The following JPH1 variants were observed in gnomAD, a reference collection of about 807,000 sequenced individuals.
JPH1 encodes the protein junctophilin 1, also known as junctophilin-1.
Under a neutral mutation model 53.6 loss-of-function variants are expected in JPH1, and 12 were observed. The observed-to-expected ratio is 0.22, with a 90% CI of 0.14 to 0.36. JPH1 has a LOEUF of 0.36. Among genes scored for constraint, JPH1 ranks in the 10% least tolerant of loss-of-function variants. The pLI, the probability that JPH1 is intolerant of heterozygous loss-of-function variation, is 1.00. For synonymous variants in JPH1, 375 were observed against 363.8 expected (o/e 1.03, Z -0.35); for missense variants, 808 against 905.5 (o/e 0.89, Z 1.38).
intron 2 of JPH1, among the ~76,000 whole-genome samples, chr8:74,276,885 T>C (rs1184297247): frequency 1.3e-5 from 2 of 152,244 alleles, no homozygotes; most frequent in Non-Finnish European, 2.9e-5. Flanking sequence ...GTTCTCCTTA[T>C]TGTATGAGTT....
chr8:74,316,718 C>CT (rs1160798335), intron 1 of JPH1, among the ~76,000 whole-genome samples: 1 of 152,258 alleles, frequency 6.6e-6, no homozygotes, highest in East Asian at 1.9e-4. Flanking sequence ...TCATGATAGT[C>CT]TGTCATCTAG....
chr8:74,293,931 A>G (rs1463558951), intron 2 of JPH1, among the ~76,000 whole-genome samples: 2 of 152,218 alleles, frequency 1.3e-5, no homozygotes, highest in African/African-American at 4.8e-5. Context: ...CTCAAGAGCC[A>G]GCAGCCCCTA....
intron 3 of JPH1, among the ~76,000 whole-genome samples, chr8:74,248,433 T>C (rs1805929661): frequency 6.6e-6 from 1 of 152,338 alleles, no homozygotes; most frequent in South Asian, 2.1e-4. Context: ...TTTTAATAAG[T>C]ATGAATTGAA....
At chr8:74,267,025 A>G (rs943077117) in intron 2 of JPH1, among the ~76,000 whole-genome samples, 1 of 152,230 alleles carries the variant, frequency 6.6e-6, no homozygotes, top group Non-Finnish European at 1.5e-5. Flanking sequence ...GGTAAAAAAG[A>G]GAGAAACATA....
chr8:74,257,910 T>G (rs1806283788), intron 3 of JPH1, among the ~76,000 whole-genome samples: 1 of 152,180 alleles, frequency 6.6e-6, no homozygotes, highest in Non-Finnish European at 1.5e-5. Context: ...AGCCTTTCTC[T>G]TATAAAAACC....
At position 74,237,006 on chromosome 8, in the gene JPH1, G is replaced by A. The variant is rs1353041077; in HGVS notation, c.*45C>T. The A allele has an allele frequency of 6.0e-6, 3 of 504,064 alleles. No homozygotes were observed. The highest frequency in any genetic ancestry group is 7.1e-6 in the Non-Finnish European group (2 of 281,538). 31.2% of individuals were successfully genotyped at this position (504,064 alleles called of 1,614,324 possible). On this transcript the variant is annotated 3_prime_UTR_variant, in exon 6 of 6. Transcript: ENST00000342232. ...ACGGCACCACTGCAGAGAACTGTGG[G>A]CTAACACACCACTAGTTGTCAGGAC...
At chr8:74,248,413 T>A (rs1032276445) in intron 3 of JPH1, among the ~76,000 whole-genome samples, 2 of 152,252 alleles carry the variant, frequency 1.3e-5, no homozygotes, top group Non-Finnish European at 2.9e-5. Flanking sequence ...TGAGGTGTTA[T>A]GGCCAGATAT....
intron 2 of JPH1, among the ~76,000 whole-genome samples, chr8:74,310,142 T>C (rs1231228336): frequency 1.3e-5 from 2 of 152,054 alleles, no homozygotes; most frequent in Admixed American, 6.5e-5. Context: ...TGTCTCAGAG[T>C]AGCATCTTCA....
intron 2 of JPH1, among the ~76,000 whole-genome samples, chr8:74,265,260 C>T (rs985960649): frequency 3.3e-5 from 5 of 152,200 alleles, no homozygotes; most frequent in Non-Finnish European, 7.3e-5. Flanking sequence ...GTCTACTATT[C>T]AGCCTCCTTT....
At chr8:74,292,418 G>T (rs2131434375) in intron 2 of JPH1, among the ~76,000 whole-genome samples, 1 of 152,284 alleles carries the variant, frequency 6.6e-6, no homozygotes, top group African/African-American at 2.4e-5. Flanking sequence ...TCCATGAACT[G>T]CCACTAATAC....
chr8:74,311,669 C>CCA (rs1201759370), intron 2 of JPH1, among the ~76,000 whole-genome samples: 1 of 109,902 alleles, frequency 9.1e-6, no homozygotes, highest in African/African-American at 3.5e-5. Context: ...CTATCCCTCC[C>CCA]CTCCCCCCAC....
intron 2 of JPH1, among the ~76,000 whole-genome samples, chr8:74,303,716 T>G (rs1014699724): frequency 6.6e-6 from 1 of 152,150 alleles, no homozygotes; most frequent in Non-Finnish European, 1.5e-5. Flanking sequence ...CCCAAAGTGC[T>G]GGGATTAAAG....
chr8:74,249,304 T>C (rs73686058), intron 3 of JPH1, among the ~76,000 whole-genome samples: 2,137 of 152,234 alleles, frequency 0.014, 66 homozygotes, highest in African/African-American at 0.049. Flanking sequence ...AAATTAGACA[T>C]TTTCTGTGGA....
At chr8:74,296,045 C>CACACACACACACACACACACACG (rs3221275) in intron 2 of JPH1, among the ~76,000 whole-genome samples, 8 of 151,992 alleles carry the variant, frequency 5.3e-5, no homozygotes, top group Admixed American at 1.3e-4. Context: ...CACACACACA[C>CACACACACACACACACACACACG]GGAGTATTGG....
intron 3 of JPH1, 123 bp downstream of exon 3, chr8:74,259,262 T>C (rs1428442744): frequency 7.1e-6 from 5 of 705,866 alleles, no homozygotes; most frequent in South Asian, 6.6e-5. Context: ...CGCCCTTGCT[T>C]GTTTTGTATA....
At position 74,300,743 on chromosome 8, in the gene JPH1, G is replaced by A. The variant is rs1157591752; in HGVS notation, c.1139+14118C>T. Reference sequence around the variant, plus strand: ...ATAAGAAGCATTGGTATTGTTATGTGAAGTCAGGTTCAAAAACAGGCGAAA... The same window carrying A: ...ATAAGAAGCATTGGTATTGTTATGTAAAGTCAGGTTCAAAAACAGGCGAAA... On this transcript the variant is annotated intron_variant, in intron 2 of 5. Coordinates refer to ENST00000342232, the MANE Select transcript of JPH1 (RefSeq NM_020647.4). Among the ~76,000 whole-genome samples, 4 of 152,258 alleles carry A rather than the reference G, an allele frequency of 2.6e-5. No homozygotes were observed. The East Asian group carries it at 7.7e-4, about 29-fold the overall frequency.
chr8:74,321,540 G>T lies in JPH1; in HGVS notation c.-253C>A. On this transcript the variant is annotated 5_prime_UTR_variant, in exon 1 of 6. Transcript: ENST00000342232. This position sits in a 1 kb window ranked among gnomAD's most constrained non-coding sequence, Gnocchi z 4.3. ...GCCTGGGCCAGCGCCGCGCGCGAGA[G>T]GACAGCCCAGGTTCCCGAGCGGACC... The T allele has an allele frequency of 2.5e-6, 1 of 401,316 alleles. No homozygotes were observed. Among genetic ancestry groups the T allele is most frequent in the Middle Eastern group, 6.4e-4 (1 of 1,572 alleles). 24.9% of individuals were successfully genotyped at this position (401,316 alleles called of 1,614,324 possible). A position where few individuals can be genotyped will look rare whatever the true frequency, so the allele number is the denominator to read the frequency against.
At chr8:74,277,262 G>A (rs554120837) in intron 2 of JPH1, among the ~76,000 whole-genome samples, 1 of 152,284 alleles carries the variant, frequency 6.6e-6, no homozygotes, top group South Asian at 2.1e-4. Context: ...GGCCCTCACT[G>A]TTCCCTTCCC....
chr8:74,267,514 G>A (rs1021338774), intron 2 of JPH1, among the ~76,000 whole-genome samples: 30 of 152,330 alleles, frequency 2.0e-4, no homozygotes, highest in Non-Finnish European at 4.4e-5. Flanking sequence ...TGCAGTCACT[G>A]AAATGAGTCA....
Sources: gnomAD v4.1 joint callset for allele counts (sites outside exome capture counted in the v4.1 genomes callset) on GRCh38, gnomAD v4.1.1 for gene constraint, Gnocchi (gnomAD v3.1) non-coding constraint, MANE v1.5 for transcripts, NCBI Gene and HGNC (gene_info 2026-07-23, HGNC 2026-07-21) for gene names.